The following CFAP299 variants were observed in gnomAD, a reference collection of about 807,000 sequenced individuals.
The protein encoded by CFAP299 is cilia and flagella associated protein 299.
A neutral mutation model predicts 27.0 loss-of-function variants in CFAP299; 21 were observed. The observed-to-expected ratio is 0.78, with a 90% CI of 0.55 to 1.12. The LOEUF is 1.12. Ranked by LOEUF, CFAP299 falls within the 50% of genes most tolerant of loss-of-function variation. CFAP299 has a pLI of 0.00. For missense variants in CFAP299, 310 were observed against 276.6 expected (o/e 1.12, Z -0.86); for synonymous variants, 104 against 98.1 (o/e 1.06, Z -0.36).
At chr4:80,837,661 A>T (rs1348982827) in intron 3 of CFAP299, among the ~76,000 whole-genome samples, 3 of 152,126 alleles carry the variant, frequency 2.0e-5, no homozygotes, top group Non-Finnish European at 4.4e-5. Context: ...TATATGTGCC[A>T]CATTTTCTTT....
At chr4:80,876,248 A>C (rs1195001794) in intron 4 of CFAP299, among the ~76,000 whole-genome samples, 1 of 151,778 alleles carries the variant, frequency 6.6e-6, no homozygotes, top group East Asian at 1.9e-4. Context: ...CACCACCCAA[A>C]TCTCATCTTG....
At chr4:80,929,200 C>A (rs1233852639) in intron 4 of CFAP299, among the ~76,000 whole-genome samples, 1 of 152,122 alleles carries the variant, frequency 6.6e-6, no homozygotes, top group African/African-American at 2.4e-5. Flanking sequence ...CATCCAGTAT[C>A]TATGGCACCA....
intron 3 of CFAP299, among the ~76,000 whole-genome samples, chr4:80,780,573 C>A (rs1726814487): frequency 1.3e-5 from 2 of 152,004 alleles, no homozygotes; most frequent in South Asian, 2.1e-4. Context: ...TAGAAGAAAG[C>A]AAATTATTCT....
At chr4:80,514,577 G>T (rs548159562) in intron 2 of CFAP299, among the ~76,000 whole-genome samples, 2 of 152,090 alleles carry the variant, frequency 1.3e-5, no homozygotes, top group South Asian at 4.1e-4. Flanking sequence ...ATTATTTAAA[G>T]CCCACTGGTC....
chr4:80,872,683 CT>C (rs932857337), intron 4 of CFAP299: 6 of 155,180 alleles, frequency 3.9e-5, no homozygotes, highest in Non-Finnish European at 7.1e-5. Context: ...TATAAATGAT[CT>C]CTCAATGTGG....
intron 3 of CFAP299, among the ~76,000 whole-genome samples, chr4:80,655,842 A>T (rs923554983): frequency 1.3e-5 from 2 of 152,146 alleles, no homozygotes; most frequent in African/African-American, 4.8e-5. Context: ...AACTATTCAC[A>T]TATATCACAA....
intron 3 of CFAP299, among the ~76,000 whole-genome samples, chr4:80,775,727 A>G (rs1421334117): frequency 1.3e-5 from 2 of 152,126 alleles, no homozygotes; most frequent in African/African-American, 2.4e-5. Flanking sequence ...TTTGGAGAAT[A>G]TTTTCGAAAA....
intron 2 of CFAP299, among the ~76,000 whole-genome samples, chr4:80,479,530 A>G (rs967103804): frequency 1.3e-5 from 2 of 152,016 alleles, no homozygotes; most frequent in African/African-American, 2.4e-5. Flanking sequence ...CTGGGGAAAA[A>G]CATCAAATGT....
chr4:80,713,423 T>C (rs978706341), intron 3 of CFAP299, among the ~76,000 whole-genome samples: 4 of 152,302 alleles, frequency 2.6e-5, no homozygotes, highest in African/African-American at 7.2e-5. Context: ...TGACCTAAAC[T>C]GTTCTTATTC....
intron 3 of CFAP299, among the ~76,000 whole-genome samples, chr4:80,672,943 T>TC (rs1491431434): frequency 3.1e-5 from 2 of 65,022 alleles, no homozygotes; most frequent in Non-Finnish European, 7.6e-5. Flanking sequence ...GTTGATCTTT[T>TC]CAAAAAAAAA....
At chr4:80,332,539 T>C (rs1404931360), upstream of CFAP299, among the ~76,000 whole-genome samples, 1 of 152,078 alleles carries the variant, frequency 6.6e-6, no homozygotes, top group Non-Finnish European at 1.5e-5. Context: ...AAGTAAAACG[T>C]TGATATGAAT....
intron 3 of CFAP299, among the ~76,000 whole-genome samples, chr4:80,815,850 T>G (rs949723765): frequency 8.6e-5 from 13 of 152,024 alleles, no homozygotes; most frequent in African/African-American, 2.4e-4. Flanking sequence ...ATACCCCACA[T>G]TTTTAATGAT....
chr4:80,635,652 A>G (rs1461564523), intron 3 of CFAP299, among the ~76,000 whole-genome samples: 8 of 152,192 alleles, frequency 5.3e-5, no homozygotes, highest in Admixed American at 3.9e-4. Flanking sequence ...GAGAAACATA[A>G]AGATAAAGTG....
At chr4:80,927,395 A>G (rs1471520509) in intron 4 of CFAP299, among the ~76,000 whole-genome samples, 1 of 152,070 alleles carries the variant, frequency 6.6e-6, no homozygotes, top group East Asian at 1.9e-4. Flanking sequence ...TGCTCCCTTA[A>G]GGTAACACCA....
At chr4:80,650,282 A>T (rs1273465444) in intron 3 of CFAP299, among the ~76,000 whole-genome samples, 2 of 152,128 alleles carry the variant, frequency 1.3e-5, no homozygotes, top group Admixed American at 1.3e-4. Flanking sequence ...AAATATTTTT[A>T]TCCTACTCTC....
chr4:80,734,728 T>A (rs2110058643), intron 3 of CFAP299, among the ~76,000 whole-genome samples: 1 of 152,242 alleles, frequency 6.6e-6, no homozygotes, highest in South Asian at 2.1e-4. Flanking sequence ...AGACTGTCGT[T>A]CCCCCATTGT....
rs186826907 is a variant in CFAP299, at chr4:80,811,306, C to G, written c.334-58687C>G. Among the ~76,000 whole-genome samples the G allele has an allele frequency of 1.5e-4, 23 of 152,196 alleles. No individual in the cohort carries two copies. The East Asian group carries it at 4.1e-3, about 27-fold the overall frequency. On this transcript the variant is annotated intron_variant, in intron 3 of 5. Transcript: ENST00000358105. ...CCTAATCTATTTACTCTGTGGTCAT[C>G]ATAGTGTAGGTATCTTTTAAACATG...
chr4:80,761,994 T>G (rs988748754), intron 3 of CFAP299, among the ~76,000 whole-genome samples: 2 of 151,998 alleles, frequency 1.3e-5, no homozygotes, highest in Admixed American at 6.6e-5. Flanking sequence ...ATTTCAGTGT[T>G]TAAGTATTTG....
intron 4 of CFAP299, among the ~76,000 whole-genome samples, chr4:80,911,133 A>T (rs373799734): frequency 2.0e-5 from 3 of 151,950 alleles, no homozygotes; most frequent in African/African-American, 7.2e-5. Flanking sequence ...ATAAAATAAA[A>T]CATAAGTTGT....
Sources: allele counts gnomAD v4.1 joint callset (sites outside exome capture counted in the v4.1 genomes callset), GRCh38; gene constraint gnomAD v4.1.1; transcripts MANE v1.5; gene names NCBI Gene and HGNC (gene_info 2026-07-23, HGNC 2026-07-21).